QTMAN: variants seen among roughly 807,000 people sequenced by gnomAD.
The protein encoded by QTMAN is tRNA-queuosine alpha-mannosyltransferase.
chr2:144,155,150 T>A, the QTMAN span, among the ~76,000 whole-genome samples: 86 of 152,252 alleles, frequency 5.6e-4, 1 homozygote, highest in African/African-American at 2.0e-3. Context: ...AGCTCATTAG[T>A]TTTTCCTGGG....
the QTMAN span, among the ~76,000 whole-genome samples, chr2:143,975,780 G>A: frequency 3.3e-5 from 5 of 152,166 alleles, no homozygotes; most frequent in South Asian, 8.3e-4. Flanking sequence ...CCACATGGAG[G>A]AGAGTTGCCC....
At chr2:144,036,906 T>C in the QTMAN span, among the ~76,000 whole-genome samples, 1 of 152,176 alleles carries the variant, frequency 6.6e-6, no homozygotes, top group Admixed American at 6.5e-5. Context: ...ATAAACCAAT[T>C]GTGGCATATA....
At chr2:143,977,886 A>C in the QTMAN span, among the ~76,000 whole-genome samples, 155 of 152,164 alleles carry the variant, frequency 1.0e-3, no homozygotes, top group Middle Eastern at 3.4e-3. Flanking sequence ...GCACTCTAAG[A>C]TCTTCCATTT....
At chr2:144,226,162 A>C in the QTMAN span, among the ~76,000 whole-genome samples, 1 of 152,200 alleles carries the variant, frequency 6.6e-6, no homozygotes, top group Non-Finnish European at 1.5e-5. Context: ...TAGAAAGATA[A>C]AGACAGTAAA....
At chr2:144,135,642 C>T in the QTMAN span, among the ~76,000 whole-genome samples, 1 of 152,144 alleles carries the variant, frequency 6.6e-6, no homozygotes, top group Non-Finnish European at 1.5e-5. Context: ...CCATGACATA[C>T]TCACTTTCAT....
chr2:144,065,330 A>G, the QTMAN span, among the ~76,000 whole-genome samples: 1 of 152,178 alleles, frequency 6.6e-6, no homozygotes, highest in Admixed American at 6.5e-5. Flanking sequence ...GTCTGCCTCT[A>G]TAGATTCACT....
the QTMAN span, chr2:143,951,959 G>T: frequency 8.8e-6 from 10 of 1,139,480 alleles, no homozygotes; most frequent in Non-Finnish European, 1.3e-5. Context: ...TTTATACCAT[G>T]TAAATCTCTT....
At chr2:144,163,219 G>A in the QTMAN span, among the ~76,000 whole-genome samples, 1 of 151,946 alleles carries the variant, frequency 6.6e-6, no homozygotes, top group Non-Finnish European at 1.5e-5. Flanking sequence ...GGTTATTACA[G>A]ATTCTGGGTT....
At chr2:144,128,490 C>G in the QTMAN span, among the ~76,000 whole-genome samples, 18 of 152,140 alleles carry the variant, frequency 1.2e-4, no homozygotes, top group Middle Eastern at 3.4e-3. Flanking sequence ...TTTCTGAATA[C>G]CATCTATTCC....
At chr2:144,124,374 A>G in the QTMAN span, among the ~76,000 whole-genome samples, 323 of 152,318 alleles carry the variant, frequency 2.1e-3, 1 homozygote, top group Non-Finnish European at 2.5e-3. Context: ...TGTGAGTTAT[A>G]ATACCTAACA....
At chr2:144,118,348 T>C in the QTMAN span, among the ~76,000 whole-genome samples, 3 of 152,194 alleles carry the variant, frequency 2.0e-5, no homozygotes, top group African/African-American at 4.8e-5. Flanking sequence ...TCAGTTCCCC[T>C]TATGAGTTCC....
chr2:143,980,657 A>G, the QTMAN span, among the ~76,000 whole-genome samples: 2 of 152,306 alleles, frequency 1.3e-5, no homozygotes, highest in South Asian at 4.1e-4. Flanking sequence ...TGCTGTCCCT[A>G]ATCAATTTAT....
chr2:143,997,707 A>G, the QTMAN span, among the ~76,000 whole-genome samples: 1 of 151,956 alleles, frequency 6.6e-6, no homozygotes, highest in Non-Finnish European at 1.5e-5. Context: ...CTCAGAGAGT[A>G]AAGTAAACTA....
At chr2:144,140,544 A>G in the QTMAN span, among the ~76,000 whole-genome samples, 1 of 152,072 alleles carries the variant, frequency 6.6e-6, no homozygotes, top group East Asian at 1.9e-4. Context: ...CTCTCATCAC[A>G]CATAAGAAAA....
At chr2:144,208,535 G>C in the QTMAN span, 5 of 1,298,644 alleles carry the variant, frequency 3.9e-6, no homozygotes, top group Middle Eastern at 1.9e-4. Context: ...GATACTGATG[G>C]AGAAGCAACA....
At chr2:144,004,570 G>A in the QTMAN span, among the ~76,000 whole-genome samples, 4 of 151,970 alleles carry the variant, frequency 2.6e-5, no homozygotes, top group Admixed American at 6.6e-5. Flanking sequence ...AAATATAGGC[G>A]TTTTAGATTT....
At chr2:143,952,132 A>G in the QTMAN span, 416 of 939,330 alleles carry the variant, frequency 4.4e-4, 1 homozygote, top group African/African-American at 6.0e-3. Context: ...CACACTCGAT[A>G]TTAGTCACTT....
chr2:143,990,706 C>T, the QTMAN span, among the ~76,000 whole-genome samples: 1 of 152,016 alleles, frequency 6.6e-6, no homozygotes, highest in Non-Finnish European at 1.5e-5. Flanking sequence ...AAAGAATTTC[C>T]CATGATAAAA....
chr2:144,185,960 T>A, the QTMAN span, among the ~76,000 whole-genome samples: 1 of 152,226 alleles, frequency 6.6e-6, no homozygotes, highest in Non-Finnish European at 1.5e-5. Flanking sequence ...GCAGGCAATG[T>A]ATGTTTGCCT....
Sources: gnomAD v4.1 joint callset for allele counts (sites outside exome capture counted in the v4.1 genomes callset) on GRCh38, gnomAD v4.1.1 for gene constraint, MANE v1.5 for transcripts, NCBI Gene and HGNC (gene_info 2026-07-23, HGNC 2026-07-21) for gene names.